CLIC2: variants seen among roughly 807,000 people sequenced by gnomAD.
CLIC2 encodes CLIC family member 2.
CLIC2 carries 9 observed loss-of-function variants against 14.8 expected under a neutral mutation model. The ratio of observed to expected loss-of-function variants is 0.61; its 90% CI spans 0.37 to 1.06. The LOEUF (loss-of-function observed/expected upper bound fraction) is 1.06. Among genes scored for constraint, CLIC2 ranks in the 50% least tolerant of loss-of-function variants. The pLI is 0.01. For missense variants in CLIC2, 148 were observed against 181.4 expected, an observed-to-expected ratio of 0.82 and a Z score of 1.06; for synonymous variants, 61 against 66.3, an observed-to-expected ratio of 0.92 and a Z score of 0.39.
At position 155,298,854 on chromosome X, in the gene CLIC2, T is replaced by C; in HGVS notation, c.224A>G (p.Tyr75Cys). Residue 75 changes from tyrosine to cysteine, a missense_variant, in exon 3 of 6, where the codon TAT becomes TGT. By Grantham distance (194) the Tyr-to-Cys change is radical. Transcript: ENST00000369449. ...APGTNPPFLV[Y>C]NKELKTDFIK... ...GAAGTCTGTTTTCAACTCCTTGTTA[T>C]ACACCAGGAACGGAGGATTGGTACC... 2.5e-6 allele frequency: 3 copies of C among 1,205,140 alleles called. No individual in the cohort carries two copies. The highest frequency in any genetic ancestry group is 3.4e-6 in the Non-Finnish European group (3 of 889,254).
intron 1 of CLIC2, among the ~76,000 whole-genome samples, chrX:155,334,002 G>A (rs1011659113): frequency 2.7e-5 from 3 of 110,967 alleles, no homozygotes; most frequent in African/African-American, 9.8e-5. Flanking sequence ...TTGAGACTTG[G>A]AAAGCCCTTA....
At chrX:155,327,527 C>A (rs1165480636) in intron 1 of CLIC2, among the ~76,000 whole-genome samples, 7 of 110,672 alleles carry the variant, frequency 6.3e-5, no homozygotes, top group Non-Finnish European at 1.3e-4. Flanking sequence ...GAGATCATGT[C>A]CTTTATAGGA....
intron 3 of CLIC2, chrX:155,290,512 A>G (rs2074960616): frequency 5.4e-6 from 3 of 558,475 alleles, no homozygotes; most frequent in Non-Finnish European, 9.7e-6. Context: ...TACATCCATT[A>G]CAACATCCAT....
At chrX:155,329,820 A>G in intron 1 of CLIC2, among the ~76,000 whole-genome samples, 1 of 111,064 alleles carries the variant, frequency 9.0e-6, no homozygotes. Flanking sequence ...GGATACAGAA[A>G]ATGTGGGCAT....
intron 3 of CLIC2, among the ~76,000 whole-genome samples, chrX:155,283,259 CT>C (rs2074926561): frequency 8.9e-6 from 1 of 112,257 alleles, no homozygotes; most frequent in African/African-American, 3.2e-5. Flanking sequence ...ACATCCTTGT[CT>C]TGTTTCTGAT....
At chrX:155,278,610 A>T (rs2074907212) in intron 5 of CLIC2, among the ~76,000 whole-genome samples, 2 of 112,665 alleles carry the variant, frequency 1.8e-5, no homozygotes, top group Non-Finnish European at 3.7e-5. Context: ...AAAATAAGAC[A>T]GTGGAAAATA....
At chrX:155,306,038 C>G (rs1483027919) in intron 1 of CLIC2, among the ~76,000 whole-genome samples, 1 of 111,750 alleles carries the variant, frequency 8.9e-6, no homozygotes, top group Non-Finnish European at 1.9e-5. Context: ...ATGAGGACTT[C>G]TTTAGTATTT....
At chrX:155,287,739 T>A (rs1557317220) in intron 3 of CLIC2, among the ~76,000 whole-genome samples, 2 of 112,336 alleles carry the variant, frequency 1.8e-5, no homozygotes, top group East Asian at 5.5e-4. Flanking sequence ...GGGCTCTTTT[T>A]TGGTTTCATA....
chrX:155,296,651 T>TA (rs1159421307), intron 3 of CLIC2, among the ~76,000 whole-genome samples: 11 of 110,154 alleles, frequency 1.0e-4, no homozygotes, highest in East Asian at 5.7e-4. Flanking sequence ...AACTCAACAA[T>TA]AAAAAAAATC....
intron 3 of CLIC2, among the ~76,000 whole-genome samples, chrX:155,288,296 C>T (rs2074950242): frequency 8.9e-6 from 1 of 111,825 alleles, no homozygotes; most frequent in African/African-American, 3.3e-5. Flanking sequence ...TATGATAATG[C>T]CACCTAAAAC....
chrX:155,312,976 CT>C (rs1156273857), intron 1 of CLIC2, among the ~76,000 whole-genome samples: 3 of 110,883 alleles, frequency 2.7e-5, no homozygotes, highest in Admixed American at 9.6e-5. Flanking sequence ...TTCAACACCC[CT>C]GATAATTAGA....
intron 3 of CLIC2, chrX:155,291,277 A>G: frequency 1.1e-6 from 1 of 914,625 alleles, no homozygotes; most frequent in Non-Finnish European, 1.6e-6. Flanking sequence ...TAAGTTGCCC[A>G]TTTTCAATAG....
rs1002042885 is a variant in CLIC2 at position 155,334,590 on chromosome X, C to T, written c.-163G>A. The T allele has an allele frequency of 2.7e-5, 13 of 477,742 alleles. No homozygotes were observed. In the African/African-American group the frequency reaches 3.1e-4, roughly 12 times the overall value. 39.4% of individuals were successfully genotyped at this position (477,742 alleles called of 1,213,427 possible). ...GTCAGACCTGGAGCCAGTCTCTTCT[C>T]TCAAGAGGTGTGACGCAGAAAATTC... On this transcript the variant is annotated 5_prime_UTR_variant, in exon 1 of 6. Coordinates refer to ENST00000369449, the MANE Select transcript of CLIC2 (RefSeq NM_001289.6).
In CLIC2 at chrX:155,281,973, G is replaced by A. The variant is rs190907873; in HGVS notation, c.294-1905C>T. ...TTCCCCTACTCAGTAGTCTGCAGTCGTCTCATCTTACCGAGTCACAGCCTA... is the reference window on the plus strand; with the variant it reads ...TTCCCCTACTCAGTAGTCTGCAGTCATCTCATCTTACCGAGTCACAGCCTA... On this transcript the variant is annotated intron_variant, in intron 3 of 5. Coordinates refer to ENST00000369449, the MANE Select transcript of CLIC2 (RefSeq NM_001289.6). Among the ~76,000 whole-genome samples, 8 of 110,466 alleles carry A rather than the reference G, an allele frequency of 7.2e-5. No individual in the cohort carries two copies. In the East Asian group the frequency reaches 8.5e-4, roughly 12 times the overall value.
chrX:155,283,635 A>T (rs375268985), intron 3 of CLIC2, among the ~76,000 whole-genome samples: 10 of 109,576 alleles, frequency 9.1e-5, no homozygotes, highest in African/African-American at 3.3e-4. Flanking sequence ...TCCACCTATG[A>T]GTGAGAACAT....
chrX:155,285,991 T>G (rs1187243954), intron 3 of CLIC2, among the ~76,000 whole-genome samples: 4 of 109,893 alleles, frequency 3.6e-5, no homozygotes, highest in African/African-American at 1.3e-4. Flanking sequence ...TTAAAAAAAT[T>G]TATTTTAGTT....
Position 155,318,830 on chromosome X carries a change from C to A in CLIC2, c.57+15541G>T, listed in dbSNP as rs782274784. Among the ~76,000 whole-genome samples the A allele has an allele frequency of 3.6e-5, 4 of 112,061 alleles. No homozygotes were observed. The Admixed American group carries it at 3.8e-4, about 11-fold the overall frequency. ...AAACTAGACTATAAGGCTATAGTCA[C>A]CAAAACAGCATGGTACTGGTATAAA... On this transcript the variant is annotated intron_variant, in intron 1 of 5. Coordinates refer to ENST00000369449, the MANE Select transcript of CLIC2 (RefSeq NM_001289.6).
intron 1 of CLIC2, among the ~76,000 whole-genome samples, chrX:155,301,170 G>T (rs1557319041): frequency 1.1e-5 from 1 of 91,459 alleles, no homozygotes; most frequent in African/African-American, 3.8e-5. Context: ...ACCTTGGGCA[G>T]TATGGCCATT....
chrX:155,286,029 A>T (rs2074941561), intron 3 of CLIC2, among the ~76,000 whole-genome samples: 1 of 111,100 alleles, frequency 9.0e-6, no homozygotes, highest in Non-Finnish European at 1.9e-5. Context: ...TTTGTTACAT[A>T]GGTGAACTCA....
Sources: allele counts gnomAD v4.1 joint callset (sites outside exome capture counted in the v4.1 genomes callset), GRCh38; gene constraint gnomAD v4.1.1; transcripts MANE v1.5; gene names NCBI Gene and HGNC (gene_info 2026-07-23, HGNC 2026-07-21).